GIT2: variants seen among roughly 807,000 people sequenced by gnomAD.
GIT2 encodes ARF GTPase-activating protein GIT2.
GIT2 carries 32 observed loss-of-function variants against 100.3 expected under a neutral mutation model. The observed-to-expected ratio is 0.32, with a 90% CI of 0.24 to 0.43. The LOEUF (loss-of-function observed/expected upper bound fraction) is 0.43. GIT2 is among the 20% of genes least tolerant of loss of function. The pLI is 1.00. For missense variants in GIT2, 737 were observed against 975.1 expected (o/e 0.76, Z 3.25); for synonymous variants, 353 against 364.1 (o/e 0.97, Z 0.35).
rs767383918 is a variant in GIT2 at position 109,938,542 on chromosome 12, C to T, written c.1841G>A (p.Ser614Asn). 6 of 1,605,760 alleles carry T rather than the reference C, an allele frequency of 3.7e-6. No individual in the cohort carries two copies. In the East Asian group the frequency reaches 1.3e-4, roughly 36 times the overall value. The change falls in exon 18 of 20, where the codon AGT becomes AAT. Residue 614 changes from serine to asparagine, a missense_variant. Transcript: ENST00000355312. Reference protein sequence around the residue: ...MGSSRKGRQRSMVWPGDGLVP... With the variant: ...MGSSRKGRQRNMVWPGDGLVP... ...CAAGCCATCCCCTGGCCACACCATACTTCTTTGCCGTCCCTTTCGGCTTGA... is the reference window on the plus strand; with the variant it reads ...CAAGCCATCCCCTGGCCACACCATATTTCTTTGCCGTCCCTTTCGGCTTGA...
Position 109,933,097 on chromosome 12 carries a change from C to T in GIT2, c.2161G>A (p.Asp721Asn), listed in dbSNP as rs772872967. The change falls in exon 20 of 20, where the codon GAC (aspartate) becomes AAC (asparagine). Residue 721 changes from aspartate (D) to asparagine (N), a missense_variant. Physicochemically the swap from Asp to Asn is conservative, Grantham distance 23. Coordinates refer to ENST00000355312, the MANE Select transcript of GIT2 (RefSeq NM_057169.5). This position sits in a 1 kb window ranked among gnomAD's most constrained non-coding sequence, Gnocchi z 4.5. Reference sequence around the variant, plus strand: ...TGAACGTCTGTGGGTGAGCCGGGGTCCCCTGGGAGGGTCTTCTTGCACTCT... The same window carrying T: ...TGAACGTCTGTGGGTGAGCCGGGGTTCCCTGGGAGGGTCTTCTTGCACTCT... ...QSECKKTLPG[D>N]PGSPTDVQLV... is the part of the protein sequence containing the mutation. The T allele has an allele frequency of 1.2e-6, 2 of 1,612,852 alleles. No individual in the cohort carries two copies. Among genetic ancestry groups the T allele is most frequent in the Non-Finnish European group, 1.7e-6 (2 of 1,179,080 alleles).
chr12:109,999,618 C>A (rs1889834300), upstream of GIT2: 3 of 1,304,508 alleles, frequency 2.3e-6, no homozygotes, highest in South Asian at 2.9e-5. The surrounding 1 kb of genome is among the most constrained non-coding windows in gnomAD (Gnocchi z 4.3). Flanking sequence ...GGCAGGCAGG[C>A]GGGCGCGGGA....
At chr12:109,971,249 T>G (rs985295744) in intron 7 of GIT2, among the ~76,000 whole-genome samples, 4 of 152,214 alleles carry the variant, frequency 2.6e-5, no homozygotes, top group African/African-American at 7.2e-5. Flanking sequence ...TTGATTTCTT[T>G]CATCAGCAGT....
chr12:109,932,738 G>T lies in GIT2; in HGVS notation c.*240C>A. On this transcript the variant is annotated 3_prime_UTR_variant, in exon 20 of 20. Coordinates refer to ENST00000355312, the MANE Select transcript of GIT2 (RefSeq NM_057169.5). The stretch of plus-strand genomic sequence containing the variant: ...GATGTATGTGATCAACTCAACAGTT[G>T]TTGACAACACAACCGAACATCAGAA... The T allele has an allele frequency of 2.1e-6, 1 of 475,454 alleles. No individual in the cohort carries two copies. Among genetic ancestry groups the T allele is most frequent in the Non-Finnish European group, 3.8e-6 (1 of 262,300 alleles). 29.5% of individuals were successfully genotyped at this position (475,454 alleles called of 1,614,324 possible).
At chr12:109,997,204 CAAAAAAAAAA>C (rs35732772), upstream of GIT2, among the ~76,000 whole-genome samples, 2 of 43,314 alleles carry the variant, frequency 4.6e-5, no homozygotes, top group African/African-American at 7.9e-5. Context: ...GACTCCGTCT[CAAAAAAAAAA>C]AAAAAAAAAA....
At chr12:109,960,804 A>G (rs2136391549) in intron 11 of GIT2, among the ~76,000 whole-genome samples, 1 of 152,308 alleles carries the variant, frequency 6.6e-6, no homozygotes, top group South Asian at 2.1e-4. Flanking sequence ...ATATTCTCAA[A>G]TGAGAAATTC....
chr12:109,958,462 C>G (rs917859590), intron 12 of GIT2, among the ~76,000 whole-genome samples: 1 of 152,064 alleles, frequency 6.6e-6, no homozygotes, highest in African/African-American at 2.4e-5. Context: ...AGGCTGATCT[C>G]AAACTCCTGA....
chr12:109,964,620 G>GACACACAC (rs58007337), intron 9 of GIT2, among the ~76,000 whole-genome samples: 5,652 of 118,970 alleles, frequency 0.048, 349 homozygotes, highest in East Asian at 0.087. Context: ...TTAATCTAAA[G>GACACACAC]ACACACACAC....
intron 11 of GIT2, 37 bp downstream of exon 11, chr12:109,961,241 C>T (rs1364263309): frequency 8.9e-7 from 1 of 1,117,896 alleles, no homozygotes; most frequent in East Asian, 2.3e-5. Context: ...ATCAGCCATT[C>T]CCCAACTACT....
chr12:109,983,735 T>A (rs1178118690), intron 4 of GIT2, 41 bp from the exon 5 acceptor site: 1 of 1,321,524 alleles, frequency 7.6e-7, no homozygotes, highest in Non-Finnish European at 1.1e-6. Context: ...TGGTTAGAGG[T>A]GTAAAGAATG....
chr12:109,967,334 G>A, intron 8 of GIT2, 124 bp downstream of exon 8: 1 of 1,597,560 alleles, frequency 6.3e-7, no homozygotes, highest in Non-Finnish European at 8.5e-7. Flanking sequence ...TTTCCAAATG[G>A]TATAGCCATA....
chr12:109,987,772 A>G (rs1379529714), intron 4 of GIT2, among the ~76,000 whole-genome samples: 6 of 152,184 alleles, frequency 3.9e-5, no homozygotes, highest in African/African-American at 1.4e-4. Flanking sequence ...CCGGCCAAAA[A>G]GTAATAAAAA....
rs752871684 is a variant in GIT2, at chr12:109,967,485, T to A, written c.737A>T (p.His246Leu). Reference sequence around the variant, plus strand: ...GTCTGCCATTTGAGGTATTATAAAGTGCTGTCCATTTTTGTGATCTGAAAC... The same window carrying A: ...GTCTGCCATTTGAGGTATTATAAAGAGCTGTCCATTTTTGTGATCTGAAAC... ...GRKPDHKNGQHFIIPQMADSS... is the reference protein window; with the variant it reads ...GRKPDHKNGQLFIIPQMADSS... The change falls in exon 8 of 20, where the codon CAC becomes CTC. Residue 246 changes from histidine (H) to leucine (L), a missense_variant. By Grantham distance (99) the His-to-Leu change is moderately conservative. Around this residue, in one of 3 missense-constraint regions of GIT2, gnomAD observed 266 missense variants for 376.2 expected, o/e 0.71. Coordinates refer to ENST00000355312, the MANE Select transcript of GIT2 (RefSeq NM_057169.5). 3 of 1,605,248 alleles carry A rather than the reference T, an allele frequency of 1.9e-6. No homozygotes were observed. Among genetic ancestry groups the A allele is most frequent in the Non-Finnish European group, 2.6e-6 (3 of 1,171,952 alleles).
At chr12:109,990,281 C>A (rs1888133316) in intron 2 of GIT2, among the ~76,000 whole-genome samples, 1 of 152,090 alleles carries the variant, frequency 6.6e-6, no homozygotes, top group Non-Finnish European at 1.5e-5. Flanking sequence ...GTCTTGAATA[C>A]CACTGGTGGT....
chr12:109,973,005 A>G (rs74534590), intron 7 of GIT2, among the ~76,000 whole-genome samples: 4,016 of 150,816 alleles, frequency 0.027, 121 homozygotes, highest in African/African-American at 0.07. Context: ...TTGTTGTTGC[A>G]GTTTTGTAGA....
chr12:109,935,113 A>T (rs1189050482), intron 18 of GIT2, among the ~76,000 whole-genome samples: 1 of 152,090 alleles, frequency 6.6e-6, no homozygotes, highest in Non-Finnish European at 1.5e-5. Context: ...TTTAAATTAA[A>T]CCATTACATT....
In GIT2 at chr12:109,953,125, C is replaced by T; in HGVS notation, c.1209G>A (p.Leu403=). The T allele has an allele frequency of 6.2e-7, 1 of 1,614,146 alleles. No individual in the cohort carries two copies. ...GGTTTGTTTTGCTTGCAGTGGTTTC[C>T]AAATCTGTGTCTTCGTCTGATGCCA... The part of the protein sequence containing the change: ...DSVASDEDTD[L]ETTASKTNRQ... Residue 403 remains leucine, a synonymous_variant, in exon 13 of 20, where the codon TTG becomes TTA. Transcript: ENST00000355312.
chr12:109,968,852 G>A (rs1457667396), intron 7 of GIT2, among the ~76,000 whole-genome samples: 1 of 152,092 alleles, frequency 6.6e-6, no homozygotes, highest in Non-Finnish European at 1.5e-5. Flanking sequence ...CACCTGAGTA[G>A]CCAGGACTAC....
chr12:109,983,283 A>C, intron 6 of GIT2, 90 bp downstream of exon 6: 1 of 1,124,658 alleles, frequency 8.9e-7, no homozygotes, highest in Non-Finnish European at 1.3e-6. Context: ...AAGGGGTTCA[A>C]TATCAACATA....
Sources: allele counts gnomAD v4.1 joint callset (sites outside exome capture counted in the v4.1 genomes callset), GRCh38; gene constraint gnomAD v4.1.1; regional missense constraint gnomAD v4.1.1; non-coding constraint Gnocchi (gnomAD v3.1); transcripts MANE v1.5; gene names NCBI Gene and HGNC (gene_info 2026-07-23, HGNC 2026-07-21).